ZMAT4: variants seen among roughly 807,000 people sequenced by gnomAD.
ZMAT4 encodes the protein zinc finger matrin-type 4, also known as zinc finger matrin-type protein 4.
A neutral mutation model predicts 28.7 loss-of-function variants in ZMAT4; 17 were observed. That is an observed-to-expected ratio of 0.59 (90% CI 0.41 to 0.89). The LOEUF is 0.89. ZMAT4 is among the 40% of genes least tolerant of loss of function. The pLI is 0.00. For synonymous variants in ZMAT4, 117 were observed against 109.2 expected, an observed-to-expected ratio of 1.07 and a Z score of -0.44; for missense variants, 240 against 283.8, an observed-to-expected ratio of 0.85 and a Z score of 1.11.
intron 1 of ZMAT4, among the ~76,000 whole-genome samples, chr8:40,829,791 G>A (rs982015199): frequency 2.0e-5 from 3 of 152,166 alleles, no homozygotes; most frequent in Non-Finnish European, 2.9e-5. Flanking sequence ...AAAATTTGAG[G>A]ATGGATAGGA....
intron 5 of ZMAT4, among the ~76,000 whole-genome samples, chr8:40,599,783 T>C (rs1016004799): frequency 2.0e-5 from 3 of 152,176 alleles, no homozygotes; most frequent in South Asian, 4.1e-4. Context: ...CCTGAACATA[T>C]GCTGTGTAAG....
chr8:40,602,596 T>C (rs746747850), intron 5 of ZMAT4, among the ~76,000 whole-genome samples: 5 of 152,174 alleles, frequency 3.3e-5, no homozygotes, highest in Non-Finnish European at 7.4e-5. Context: ...TGCTTTGTAG[T>C]TTTGATTTGC....
chr8:40,660,917 C>T (rs898419149), intron 5 of ZMAT4, among the ~76,000 whole-genome samples: 9 of 152,052 alleles, frequency 5.9e-5, no homozygotes, highest in East Asian at 1.9e-4. Context: ...TTATTTGCCT[C>T]GGAAATCACA....
At chr8:40,857,480 A>G (rs1273000138) in intron 1 of ZMAT4, among the ~76,000 whole-genome samples, 1 of 152,204 alleles carries the variant, frequency 6.6e-6, no homozygotes, top group African/African-American at 2.4e-5. Flanking sequence ...GAATTCCACT[A>G]CACATTTGTT....
At chr8:40,677,935 T>C (rs1808979519) in intron 4 of ZMAT4, among the ~76,000 whole-genome samples, 1 of 152,174 alleles carries the variant, frequency 6.6e-6, no homozygotes, top group African/African-American at 2.4e-5. Flanking sequence ...ATTTCAACAT[T>C]AAACTCACCA....
intron 5 of ZMAT4, among the ~76,000 whole-genome samples, chr8:40,621,185 A>G (rs1265019774): frequency 6.6e-6 from 1 of 152,168 alleles, no homozygotes; most frequent in Non-Finnish European, 1.5e-5. Flanking sequence ...ATCTCGGGAA[A>G]GTTACTTAGT....
chr8:40,598,159 A>C (rs1229812179), intron 5 of ZMAT4, among the ~76,000 whole-genome samples: 2 of 152,186 alleles, frequency 1.3e-5, no homozygotes, highest in Non-Finnish European at 2.9e-5. Flanking sequence ...CTTTCTTTGA[A>C]CATGAAAGTA....
intron 5 of ZMAT4, among the ~76,000 whole-genome samples, chr8:40,623,579 C>G (rs1806273862): frequency 6.6e-6 from 1 of 152,176 alleles, no homozygotes; most frequent in Non-Finnish European, 1.5e-5. Flanking sequence ...GTGGTGATCT[C>G]TAGCCTGTGA....
chr8:40,541,695 C>A (rs1432678177), intron 6 of ZMAT4, among the ~76,000 whole-genome samples: 1 of 152,136 alleles, frequency 6.6e-6, no homozygotes, highest in Admixed American at 6.5e-5. Flanking sequence ...AATCAATCCA[C>A]TGATTTTTCC....
At chr8:40,649,593 A>G (rs1585816505) in intron 5 of ZMAT4, among the ~76,000 whole-genome samples, 1 of 151,976 alleles carries the variant, frequency 6.6e-6, no homozygotes, top group South Asian at 2.1e-4. Flanking sequence ...CATCTACAGA[A>G]CTCTCCATCC....
intron 5 of ZMAT4, among the ~76,000 whole-genome samples, chr8:40,643,094 G>T (rs149853971): frequency 6.6e-6 from 1 of 152,084 alleles, no homozygotes; most frequent in African/African-American, 2.4e-5. Flanking sequence ...AAATTCCTTC[G>T]CAGCTTTAGA....
chr8:40,581,291 G>T, intron 5 of ZMAT4, 30 bp from the exon 6 acceptor site: 1 of 1,585,200 alleles, frequency 6.3e-7, no homozygotes, highest in Non-Finnish European at 8.7e-7. Flanking sequence ...CTGGTTAGCT[G>T]CATCCAGTCG....
chr8:40,871,791 A>G (rs1817867540), intron 1 of ZMAT4, among the ~76,000 whole-genome samples: 1 of 152,126 alleles, frequency 6.6e-6, no homozygotes, highest in Admixed American at 6.6e-5. Context: ...TGTCTCTTCC[A>G]CCACGTGGCT....
At chr8:40,782,724 C>A (rs577506055) in intron 2 of ZMAT4, among the ~76,000 whole-genome samples, 1 of 151,962 alleles carries the variant, frequency 6.6e-6, no homozygotes, top group Non-Finnish European at 1.5e-5. Context: ...AGTCAAGGTG[C>A]GAGTTGTGAG....
intron 1 of ZMAT4, among the ~76,000 whole-genome samples, chr8:40,847,214 C>CAA (rs372935416): frequency 0.17 from 16,637 of 98,932 alleles, 1,096 homozygotes; most frequent in Middle Eastern, 0.25. Flanking sequence ...AAAAAACAAA[C>CAA]AAACAAAAAA....
intron 2 of ZMAT4, among the ~76,000 whole-genome samples, chr8:40,788,478 G>A (rs969698856): frequency 2.0e-5 from 3 of 152,148 alleles, no homozygotes; most frequent in East Asian, 1.9e-4. Context: ...CCAGCTACTC[G>A]GGAGGCTGAG....
rs1802708180 is a variant in ZMAT4 at position 40,532,085 on chromosome 8, C to T, written c.*138G>A. 1 of 706,590 alleles carries T rather than the reference C, an allele frequency of 1.4e-6. No homozygotes were observed. The highest frequency in any genetic ancestry group is 4.1e-5 in the Admixed American group (1 of 24,452). 43.8% of individuals were successfully genotyped at this position (706,590 alleles called of 1,614,324 possible). On this transcript the variant is annotated 3_prime_UTR_variant, in exon 7 of 7. Coordinates refer to ENST00000297737, the MANE Select transcript of ZMAT4 (RefSeq NM_024645.3). ...CTCATTCATTTCCAAAAATCAAGAT[C>T]AGTCGTATGTGAATCTGTGAATCCT...
intron 5 of ZMAT4, among the ~76,000 whole-genome samples, chr8:40,655,058 C>CTACACACACACA (rs1807854452): frequency 3.5e-5 from 1 of 28,234 alleles, no homozygotes. Context: ...TAAGGAATAC[C>CTACACACACACA]TACACACACA....
At chr8:40,602,122 T>C (rs569712685) in intron 5 of ZMAT4, among the ~76,000 whole-genome samples, 1 of 152,316 alleles carries the variant, frequency 6.6e-6, no homozygotes, top group African/African-American at 2.4e-5. Context: ...ATGCTTGGTT[T>C]TCCATTCCTG....
Sources: allele counts gnomAD v4.1 joint callset (sites outside exome capture counted in the v4.1 genomes callset), GRCh38; gene constraint gnomAD v4.1.1; transcripts MANE v1.5; gene names NCBI Gene and HGNC (gene_info 2026-07-23, HGNC 2026-07-21).